AOAH: variants seen among roughly 807,000 people sequenced by gnomAD.
AOAH encodes the protein acyloxyacyl hydrolase (neutrophil).
A neutral mutation model predicts 92.2 loss-of-function variants in AOAH; 64 were observed. The observed-to-expected ratio is 0.69, with a 90% CI of 0.57 to 0.86. The LOEUF is 0.86. AOAH is among the 40% of genes least tolerant of loss of function. The probability of loss-of-function intolerance (pLI) is 0.00; values close to 1 mark genes in which losing one functional copy is unlikely to be tolerated. For missense variants in AOAH, 656 were observed against 694.6 expected (o/e 0.94, Z 0.62); for synonymous variants, 263 against 254.5 (o/e 1.03, Z -0.32).
chr7:36,522,209 C>A, intron 19 of AOAH, 94 bp from the exon 20 acceptor site: 1 of 1,187,922 alleles, frequency 8.4e-7, no homozygotes. Flanking sequence ...CATGCCCTCC[C>A]GGGCCCATGT....
chr7:36,609,806 C>A (rs1165454537), intron 11 of AOAH, among the ~76,000 whole-genome samples: 1 of 152,106 alleles, frequency 6.6e-6, no homozygotes, highest in Non-Finnish European at 1.5e-5. Context: ...TCCCCATTGT[C>A]ATCCGATCAC....
intron 15 of AOAH, among the ~76,000 whole-genome samples, chr7:36,543,943 C>CTTTTT (rs1407764591): frequency 1.7e-3 from 138 of 82,748 alleles, no homozygotes; most frequent in East Asian, 2.3e-3. Flanking sequence ...TTCTTTCTTT[C>CTTTTT]TTTCTTTTTT....
At chr7:36,563,079 G>A (rs946118382) in intron 13 of AOAH, among the ~76,000 whole-genome samples, 13 of 143,806 alleles carry the variant, frequency 9.0e-5, no homozygotes, top group South Asian at 4.4e-4. Flanking sequence ...ACCAGAAGGC[G>A]GAGGTTGCAG....
At position 36,532,339 on chromosome 7, in the gene AOAH, G is replaced by A. The variant is rs766697112; in HGVS notation, c.1312C>T (p.Leu438=). ...LHNRYHPLGQ[L]NKDMTYAQLY... ...TGCGCATAGGTCATGTCTTTATTTA[G>A]CTGGCCTGGAAAACAGAGAGGTCTG... Residue 438 remains leucine, a synonymous_variant, in exon 17 of 21, where the codon CTA becomes TTA. Coordinates refer to ENST00000617537, the MANE Select transcript of AOAH (RefSeq NM_001637.4). 8 of 1,613,686 alleles carry A rather than the reference G, an allele frequency of 5.0e-6. No homozygotes were observed. Among genetic ancestry groups the A allele is most frequent in the Non-Finnish European group, 6.8e-6 (8 of 1,180,008 alleles).
At position 36,628,402 on chromosome 7, in the gene AOAH, G is replaced by A. The variant is rs1583981055; in HGVS notation, c.521+3634C>T. ...AAAACTTGATCACTCCATGGTCATAGCCTGATAGCTACACATTTGTTTTCC... is the reference window on the plus strand; with the variant it reads ...AAAACTTGATCACTCCATGGTCATAACCTGATAGCTACACATTTGTTTTCC... On this transcript the variant is annotated intron_variant, in intron 6 of 20. Coordinates refer to ENST00000617537, the MANE Select transcript of AOAH (RefSeq NM_001637.4). 3.9e-5 allele frequency among the ~76,000 whole-genome samples: 6 copies of A among 152,300 alleles called. No homozygotes were observed. In the South Asian group the frequency reaches 1.2e-3, roughly 32 times the overall value.
At chr7:36,594,784 T>C in intron 11 of AOAH, 1 of 316,468 alleles carries the variant, frequency 3.2e-6, no homozygotes, top group Non-Finnish European at 6.1e-6. Flanking sequence ...GTCAATCATC[T>C]GAAAAGTAAT....
chr7:36,527,420 T>C (rs888455227), intron 19 of AOAH, among the ~76,000 whole-genome samples: 3 of 152,246 alleles, frequency 2.0e-5, no homozygotes, highest in Non-Finnish European at 2.9e-5. Context: ...TAAGTGACTC[T>C]GTAGGATTTT....
rs7782706 is a variant in AOAH, at chr7:36,516,464, G to A, written c.1600-3084C>T. ...CCCCCCACACACACAGAAAGTGCAC[G>A]GATACCACACACACACACACACAGA... is the stretch of plus-strand genomic sequence containing the variant. On this transcript the variant is annotated intron_variant, in intron 20 of 20. Coordinates refer to ENST00000617537, the MANE Select transcript of AOAH (RefSeq NM_001637.4). This position sits in a 1 kb window ranked among gnomAD's most constrained non-coding sequence, Gnocchi z 5.0. Among the ~76,000 whole-genome samples the A allele has an allele frequency of 0.23, 16,012 of 68,936 alleles. 3,892 individuals are homozygous for A. The highest frequency in any genetic ancestry group is 0.45 in the Middle Eastern group (49 of 108). 45.2% of individuals were successfully genotyped at this position (68,936 alleles called of 152,430 possible). A position where few individuals can be genotyped will look rare whatever the true frequency, so the allele number is the denominator to read the frequency against.
intron 4 of AOAH, among the ~76,000 whole-genome samples, chr7:36,640,858 C>T (rs1156913111): frequency 2.6e-5 from 4 of 152,152 alleles, no homozygotes; most frequent in African/African-American, 7.2e-5. Flanking sequence ...GACTTGAAGC[C>T]GCTGCAATGA....
intron 11 of AOAH, among the ~76,000 whole-genome samples, chr7:36,611,061 C>T (rs1312281332): frequency 1.3e-5 from 2 of 152,164 alleles, no homozygotes; most frequent in African/African-American, 4.8e-5. Context: ...GGTGATAAAG[C>T]TTCATTTTCA....
chr7:36,669,938 C>T (rs779281155), intron 3 of AOAH, among the ~76,000 whole-genome samples: 215 of 152,286 alleles, frequency 1.4e-3, no homozygotes, highest in Middle Eastern at 3.4e-3. Context: ...AGAGCAATGG[C>T]GGTCTGAGAC....
chr7:36,523,001 C>T (rs904267284), intron 19 of AOAH, among the ~76,000 whole-genome samples: 6 of 152,198 alleles, frequency 3.9e-5, no homozygotes, highest in South Asian at 2.1e-4. Context: ...TTGGACAAGA[C>T]GGGCTGGACT....
intron 1 of AOAH, among the ~76,000 whole-genome samples, chr7:36,701,845 C>G (rs1041731278): frequency 1.6e-4 from 24 of 151,860 alleles, no homozygotes; most frequent in Admixed American, 4.6e-4. Context: ...TGCTTTTTTG[C>G]TCTTCTTGTT....
At chr7:36,654,766 C>T (rs867896068) in intron 4 of AOAH, among the ~76,000 whole-genome samples, 1 of 152,148 alleles carries the variant, frequency 6.6e-6, no homozygotes, top group African/African-American at 2.4e-5. Context: ...GCAGTGGTTC[C>T]ATTCAATGTG....
At chr7:36,654,834 T>C (rs1426512703) in intron 4 of AOAH, among the ~76,000 whole-genome samples, 4 of 152,150 alleles carry the variant, frequency 2.6e-5, no homozygotes, top group Non-Finnish European at 5.9e-5. Flanking sequence ...ATTTGGACTT[T>C]TAAGAAAAAC....
intron 13 of AOAH, among the ~76,000 whole-genome samples, chr7:36,556,222 T>G (rs1195862430): frequency 6.6e-6 from 1 of 152,242 alleles, no homozygotes; most frequent in Non-Finnish European, 1.5e-5. Flanking sequence ...TCTTTATTTC[T>G]GCCTTCATTT....
chr7:36,608,175 C>T (rs1446023250), intron 11 of AOAH, among the ~76,000 whole-genome samples: 22 of 152,224 alleles, frequency 1.4e-4, no homozygotes, highest in Admixed American at 1.4e-3. Flanking sequence ...TGTCCAACAC[C>T]AGTCCTCTTG....
chr7:36,618,274 A>G, intron 10 of AOAH, 23 bp downstream of exon 10: 2 of 1,606,758 alleles, frequency 1.2e-6, no homozygotes, highest in Non-Finnish European at 1.7e-6. Context: ...CATTATAACC[A>G]CAATGACATC....
intron 1 of AOAH, among the ~76,000 whole-genome samples, chr7:36,701,356 T>C (rs1798019847): frequency 6.6e-6 from 1 of 151,756 alleles, no homozygotes; most frequent in East Asian, 1.9e-4. Flanking sequence ...ATTCTATCGA[T>C]TAAGAAGAGA....
Sources: allele counts gnomAD v4.1 joint callset (sites outside exome capture counted in the v4.1 genomes callset), GRCh38; gene constraint gnomAD v4.1.1; non-coding constraint Gnocchi (gnomAD v3.1); transcripts MANE v1.5; gene names NCBI Gene and HGNC (gene_info 2026-07-23, HGNC 2026-07-21).